The following FAT2 variants were observed in gnomAD, a reference collection of about 807,000 sequenced individuals.
FAT2 encodes the protein FAT atypical cadherin 2, also known as protocadherin Fat 2.
A neutral mutation model predicts 295.3 loss-of-function variants in FAT2; 150 were observed. The ratio of observed to expected loss-of-function variants is 0.51; its 90% CI spans 0.44 to 0.58. FAT2 has a LOEUF of 0.58. FAT2 is among the 20% of genes least tolerant of loss of function. FAT2 has a pLI of 0.00. For missense variants in FAT2, 4,868 were observed against 5,442.7 expected (o/e 0.89, Z 3.32); for synonymous variants, 2,026 against 2,150.3 (o/e 0.94, Z 1.60).
chr5:151,546,835 C>T (rs1756689235), intron 9 of FAT2, among the ~76,000 whole-genome samples: 1 of 152,148 alleles, frequency 6.6e-6, no homozygotes, highest in Admixed American at 6.5e-5. Flanking sequence ...CCTCCAGCCT[C>T]AGCCTCTGGT....
chr5:151,506,146 T>C, intron 23 of FAT2, 49 bp from the exon 24 acceptor site: 1 of 1,489,016 alleles, frequency 6.7e-7, no homozygotes, highest in Middle Eastern at 2.0e-4. Flanking sequence ...CCCCGGAAGG[T>C]TTCAGCTGGC....
At chr5:151,525,638 C>T (rs993252100) in intron 18 of FAT2, 130 bp downstream of exon 18, 3 of 963,088 alleles carry the variant, frequency 3.1e-6, no homozygotes, top group African/African-American at 3.2e-5. Context: ...TGAGAAGGAC[C>T]TAGCCCAGTG....
At chr5:151,534,744 T>C in intron 12 of FAT2, 102 bp from the exon 13 acceptor site, 1 of 984,680 alleles carries the variant, frequency 1.0e-6, no homozygotes, top group Non-Finnish European at 1.5e-6. Context: ...CACACAGAGT[T>C]TTGTTCACAG....
upstream of FAT2, among the ~76,000 whole-genome samples, chr5:151,591,441 T>C (rs1759403141): frequency 6.6e-6 from 1 of 152,008 alleles, no homozygotes; most frequent in African/African-American, 2.4e-5. Context: ...AGCCAACTGG[T>C]TTGTGGCCCA....
chr5:151,513,199 A>G (rs1761458539), intron 20 of FAT2, among the ~76,000 whole-genome samples: 1 of 152,244 alleles, frequency 6.6e-6, no homozygotes, highest in South Asian at 2.1e-4. Context: ...AAGCCAGGCA[A>G]AAGAGAGGCT....
rs768633937 is a variant in FAT2, at chr5:151,542,580, G to T, written c.8547C>A (p.Ala2849=). ...DPGSNVHELF[A]IDSESGWITT... Reference sequence around the variant, plus strand: ...TGATCCAACCACTCTCACTGTCAATGGCAAAGAGCTCATGGACATTGCTAC... The same window carrying T: ...TGATCCAACCACTCTCACTGTCAATTGCAAAGAGCTCATGGACATTGCTAC... The change falls in exon 10 of 24, where the codon GCC becomes GCA. Residue 2849 remains alanine (A), a synonymous_variant. Transcript: ENST00000261800. The T allele has an allele frequency of 2.5e-6, 4 of 1,614,022 alleles. No homozygotes were observed. Among genetic ancestry groups the T allele is most frequent in the Non-Finnish European group, 3.4e-6 (4 of 1,180,036 alleles).
chr5:151,552,251 G>T (rs1757283963), intron 6 of FAT2, among the ~76,000 whole-genome samples: 2 of 152,106 alleles, frequency 1.3e-5, no homozygotes, highest in African/African-American at 4.8e-5. Context: ...CTCTCAAGCA[G>T]CTGGGATTAC....
chr5:151,561,067 C>T (rs940112473), intron 3 of FAT2, among the ~76,000 whole-genome samples: 5 of 152,156 alleles, frequency 3.3e-5, no homozygotes, highest in African/African-American at 9.7e-5. Context: ...GTGAATATAA[C>T]GTCCTGTATG....
intron 18 of FAT2, among the ~76,000 whole-genome samples, chr5:151,523,031 T>G (rs1753640338): frequency 6.6e-6 from 1 of 152,186 alleles, no homozygotes; most frequent in Non-Finnish European, 1.5e-5. Flanking sequence ...CAGGCTTGCC[T>G]TCTTCTCCTC....
intron 1 of FAT2, among the ~76,000 whole-genome samples, chr5:151,578,357 C>G (rs1758821935): frequency 6.6e-6 from 1 of 152,184 alleles, no homozygotes; most frequent in Non-Finnish European, 1.5e-5. Flanking sequence ...CTGGGGCAAC[C>G]TTGAATAACT....
intron 9 of FAT2, among the ~76,000 whole-genome samples, chr5:151,547,701 T>A (rs1230160519): frequency 2.0e-5 from 3 of 152,202 alleles, no homozygotes; most frequent in Non-Finnish European, 4.4e-5. Context: ...TAAAAGCAGC[T>A]AAGTCAACAA....
chr5:151,517,148 T>C (rs1001455542), intron 20 of FAT2, among the ~76,000 whole-genome samples: 1 of 151,822 alleles, frequency 6.6e-6, no homozygotes, highest in African/African-American at 2.4e-5. Context: ...GATTGGCATA[T>C]GTGATAGAGG....
chr5:151,593,265 T>G (rs932548917), upstream of FAT2, among the ~76,000 whole-genome samples: 1 of 152,228 alleles, frequency 6.6e-6, no homozygotes, highest in Admixed American at 6.5e-5. Context: ...CCACGGGCCC[T>G]TTGATTAGTC....
Position 151,567,749 on chromosome 5 carries a change from A to T in FAT2, c.1183T>A (p.Tyr395Asn). The change falls in exon 2 of 24, where the codon TAT becomes AAT. Residue 395 changes from tyrosine (Y) to asparagine (N), a missense_variant. By Grantham distance (143) the Tyr-to-Asn change is moderately radical (BLOSUM62 -2). This residue lies in a region of FAT2 where 3,297 missense variants were observed against 3,669.4 expected (regional missense o/e 0.90). Transcript: ENST00000261800. ...RVTPAFPNLQ[Y>N]VLKPSSENVG... The stretch of plus-strand genomic sequence containing the variant: ...TTCTCTGAAGATGGCTTTAGAACAT[A>T]CTGCAGGTTGGGGAAGGCTGGGGTG... The T allele has an allele frequency of 6.2e-7, 1 of 1,614,192 alleles. No individual in the cohort carries two copies.
chr5:151,546,746 G>T (rs1185456687), intron 9 of FAT2, among the ~76,000 whole-genome samples: 1 of 151,610 alleles, frequency 6.6e-6, no homozygotes, highest in Non-Finnish European at 1.5e-5. Flanking sequence ...TAGAGTCAGG[G>T]TCTTTCCTGT....
rs746381384 is a variant in FAT2 at position 151,567,672 on chromosome 5, G to A, written c.1260C>T (p.Leu420=). Reference sequence around the variant, plus strand: ...AGTGGGCTCTGTCGTGGAAGTCCATGAGCTTTGTGGTGGTGATCAACCCAG... The same window carrying A: ...AGTGGGCTCTGTCGTGGAAGTCCATAAGCTTTGTGGTGGTGATCAACCCAG... ...ARTGLITTTK[L]MDFHDRAHYQ... Residue 420 remains leucine (L), a synonymous_variant, in exon 2 of 24, where the codon CTC becomes CTT. Transcript: ENST00000261800. 2 of 1,614,176 alleles carry A rather than the reference G, an allele frequency of 1.2e-6. No homozygotes were observed. The highest frequency in any genetic ancestry group is 1.1e-5 in the South Asian group (1 of 91,084).
At chr5:151,527,101 T>C in intron 17 of FAT2, 133 bp downstream of exon 17, 1 of 866,424 alleles carries the variant, frequency 1.2e-6, no homozygotes, top group Non-Finnish European at 1.8e-6. Context: ...CAGCAGTCTG[T>C]GTTGCCTTTG....
At position 151,544,312 on chromosome 5, in the gene FAT2, A is replaced by G. The variant is rs1479664230; in HGVS notation, c.6815T>C (p.Phe2272Ser). The G allele has an allele frequency of 2.5e-6, 4 of 1,614,096 alleles. No homozygotes were observed. The African/African-American group carries it at 4.0e-5, about 16-fold the overall frequency. Residue 2272 changes from phenylalanine to serine, a missense_variant, in exon 10 of 24, where the codon TTT becomes TCT. By Grantham distance (155) the Phe-to-Ser change is radical. Around this residue, in one of 5 missense-constraint regions of FAT2, gnomAD observed 3,297 missense variants for 3,669.4 expected, o/e 0.90. Transcript: ENST00000261800. ...GGAAGTGGTATAGACCAATTGGGAA[A>G]AAGTGGGAGGGTTATCATTGACATC... ...VEDVNDNPPT[F>S]SQLVYTTSIS...
chr5:151,591,400 A>G (rs923176491), upstream of FAT2, among the ~76,000 whole-genome samples: 3 of 152,142 alleles, frequency 2.0e-5, no homozygotes, highest in Non-Finnish European at 4.4e-5. Flanking sequence ...CCCTCCTGCC[A>G]GCTCTCTGTC....
Sources: allele counts gnomAD v4.1 joint callset (sites outside exome capture counted in the v4.1 genomes callset), GRCh38; gene constraint gnomAD v4.1.1; regional missense constraint gnomAD v4.1.1; transcripts MANE v1.5; gene names NCBI Gene and HGNC (gene_info 2026-07-23, HGNC 2026-07-21).